The following BABAM2 variants were observed in gnomAD, a reference collection of about 807,000 sequenced individuals.
The protein encoded by BABAM2 is BRISC and BRCA1-A complex member 2.
Under a neutral mutation model 54.7 loss-of-function variants are expected in BABAM2, and 31 were observed. The observed-to-expected ratio is 0.57, with a 90% CI of 0.43 to 0.77. The LOEUF (loss-of-function observed/expected upper bound fraction) is 0.77, where lower values mean the gene tolerates loss of function less well. Among genes scored for constraint, BABAM2 ranks in the 30% least tolerant of loss-of-function variants. The probability of loss-of-function intolerance (pLI) is 0.00; values close to 1 mark genes in which losing one functional copy is unlikely to be tolerated. For missense variants in BABAM2, 364 were observed against 455.8 expected (o/e 0.80, Z 1.83); for synonymous variants, 167 against 162.9 (o/e 1.03, Z -0.19).
chr2:28,218,284 A>G (rs1426228160), intron 7 of BABAM2, among the ~76,000 whole-genome samples: 1 of 152,222 alleles, frequency 6.6e-6, no homozygotes, highest in South Asian at 2.1e-4. Context: ...TTGACACAGT[A>G]CTATTATCTA....
intron 5 of BABAM2, among the ~76,000 whole-genome samples, chr2:28,034,717 G>C (rs1676539568): frequency 6.6e-6 from 1 of 152,112 alleles, no homozygotes. Flanking sequence ...GTGGAGAAGA[G>C]GAAGGAAAGG....
chr2:28,172,809 A>T (rs948807146), intron 7 of BABAM2, among the ~76,000 whole-genome samples: 3 of 152,224 alleles, frequency 2.0e-5, no homozygotes, highest in Non-Finnish European at 2.9e-5. Flanking sequence ...AGCCTTAAAA[A>T]TCTATAACCT....
intron 10 of BABAM2, among the ~76,000 whole-genome samples, chr2:28,276,464 C>T (rs1489243583): frequency 1.3e-5 from 2 of 152,148 alleles, no homozygotes; most frequent in East Asian, 1.9e-4. Context: ...AACGCGCAGC[C>T]GTGGGATGTT....
intron 6 of BABAM2, among the ~76,000 whole-genome samples, chr2:28,075,036 A>AT (rs1475041571): frequency 3.3e-5 from 5 of 152,102 alleles, no homozygotes; most frequent in Non-Finnish European, 7.4e-5. Flanking sequence ...GTAGTCACAG[A>AT]TTTTTTTCAG....
At chr2:28,012,722 C>T (rs1274337439) in intron 4 of BABAM2, among the ~76,000 whole-genome samples, 1 of 152,114 alleles carries the variant, frequency 6.6e-6, no homozygotes, top group Non-Finnish European at 1.5e-5. Context: ...TTATTCTCTG[C>T]GTGGTTACAG....
chr2:28,278,052 TC>T (rs1686029437), intron 10 of BABAM2, among the ~76,000 whole-genome samples: 1 of 152,206 alleles, frequency 6.6e-6, no homozygotes, highest in Non-Finnish European at 1.5e-5. Flanking sequence ...GCTGATGCAA[TC>T]CATTCCAAAT....
chr2:28,183,978 A>G (rs1675956532), intron 7 of BABAM2, among the ~76,000 whole-genome samples: 1 of 152,134 alleles, frequency 6.6e-6, no homozygotes, highest in Admixed American at 6.5e-5. Flanking sequence ...TCTTTTCTTC[A>G]TGCTTGTATT....
At chr2:27,962,156 C>T (rs1329565401) in intron 3 of BABAM2, among the ~76,000 whole-genome samples, 3 of 152,084 alleles carry the variant, frequency 2.0e-5, no homozygotes, top group Non-Finnish European at 4.4e-5. Flanking sequence ...GTCACCCAGG[C>T]TGGAATGTAC....
At chr2:28,211,819 T>C (rs991204100) in intron 7 of BABAM2, among the ~76,000 whole-genome samples, 2 of 152,356 alleles carry the variant, frequency 1.3e-5, no homozygotes, top group South Asian at 4.1e-4. Context: ...TAGAAAAATT[T>C]TGTATCACAA....
intron 6 of BABAM2, among the ~76,000 whole-genome samples, chr2:28,053,679 C>T (rs1678168375): frequency 6.6e-6 from 1 of 152,162 alleles, no homozygotes; most frequent in Non-Finnish European, 1.5e-5. Context: ...CTTGTTCCAC[C>T]TCCCTTCTCT....
At chr2:28,041,019 T>C (rs1677059659) in intron 5 of BABAM2, among the ~76,000 whole-genome samples, 1 of 152,174 alleles carries the variant, frequency 6.6e-6, no homozygotes, top group South Asian at 2.1e-4. Context: ...TTGTACAAGC[T>C]AAAATAGGGC....
chr2:28,097,094 G>T (rs7581813), intron 6 of BABAM2, among the ~76,000 whole-genome samples: 33,535 of 152,018 alleles, frequency 0.22, 4,575 homozygotes, highest in East Asian at 0.57. Flanking sequence ...ATGGCAAGGG[G>T]TTCAAGCTGG....
chr2:27,897,491 A>C (rs536884435), intron 2 of BABAM2, among the ~76,000 whole-genome samples: 8 of 151,810 alleles, frequency 5.3e-5, no homozygotes, highest in Non-Finnish European at 1.0e-4. Context: ...AGGCAAGAGG[A>C]TTTGGTAGAA....
chr2:28,126,951 G>T (rs1304193780), intron 6 of BABAM2, among the ~76,000 whole-genome samples: 3 of 149,930 alleles, frequency 2.0e-5, no homozygotes, highest in Non-Finnish European at 4.4e-5. Flanking sequence ...CTTTTGAGAA[G>T]TGTCTGTTCA....
chr2:28,116,764 G>T (rs1334547174), intron 6 of BABAM2, among the ~76,000 whole-genome samples: 1 of 152,182 alleles, frequency 6.6e-6, no homozygotes, highest in Non-Finnish European at 1.5e-5. Flanking sequence ...CCTTCCTCAT[G>T]CCTGGATCTT....
intron 3 of BABAM2, among the ~76,000 whole-genome samples, chr2:27,967,616 T>C (rs1040462730): frequency 1.3e-5 from 2 of 152,070 alleles, no homozygotes; most frequent in African/African-American, 4.8e-5. Flanking sequence ...CAGGCAGAGA[T>C]TGGAACAGTT....
At chr2:28,172,451 G>A (rs536282477) in intron 7 of BABAM2, among the ~76,000 whole-genome samples, 4 of 152,258 alleles carry the variant, frequency 2.6e-5, no homozygotes, top group African/African-American at 9.6e-5. Context: ...TTTCTTGTCT[G>A]ATTTCTGTGG....
At chr2:28,127,963 C>T (rs554135655) in intron 6 of BABAM2, among the ~76,000 whole-genome samples, 264 of 152,068 alleles carry the variant, frequency 1.7e-3, no homozygotes, top group African/African-American at 4.6e-3. Flanking sequence ...CCCACCACCA[C>T]GCCCGGCTAA....
intron 2 of BABAM2, among the ~76,000 whole-genome samples, chr2:27,908,763 A>G (rs898675107): frequency 1.9e-4 from 29 of 152,142 alleles, no homozygotes; most frequent in African/African-American, 6.8e-4. Flanking sequence ...AGCTGCATCT[A>G]TGTTGCTGCA....
Sources: allele counts gnomAD v4.1 joint callset (sites outside exome capture counted in the v4.1 genomes callset), GRCh38; gene constraint gnomAD v4.1.1; transcripts MANE v1.5; gene names NCBI Gene and HGNC (gene_info 2026-07-23, HGNC 2026-07-21).